Variants in DPP10 observed in about 807,000 individuals in gnomAD.
DPP10 encodes the protein inactive dipeptidyl peptidase 10.
A neutral mutation model predicts 120.9 loss-of-function variants in DPP10; 33 were observed. The observed-to-expected ratio is 0.27, with a 90% CI of 0.21 to 0.37. The LOEUF (loss-of-function observed/expected upper bound fraction) is 0.37. DPP10 is among the 10% of genes least tolerant of loss of function. DPP10 has a pLI of 1.00. For synonymous variants in DPP10, 337 were observed against 326.1 expected (o/e 1.03, Z -0.36); for missense variants, 816 against 942.8 (o/e 0.87, Z 1.76).
intron 1 of DPP10, among the ~76,000 whole-genome samples, chr2:114,936,726 C>G (rs1298336422): frequency 6.6e-6 from 1 of 152,038 alleles, no homozygotes; most frequent in Admixed American, 6.6e-5. Context: ...GAGGTATTAA[C>G]TTTTTACTGC....
At chr2:115,677,123 G>T (rs992117409) in intron 5 of DPP10, among the ~76,000 whole-genome samples, 1 of 152,112 alleles carries the variant, frequency 6.6e-6, no homozygotes, top group Non-Finnish European at 1.5e-5. Context: ...GAAATAAAGT[G>T]TTTCCCAGGC....
chr2:114,532,296 T>TATATACACACACACACAC (rs1342125338), intron 1 of DPP10, among the ~76,000 whole-genome samples: 2 of 74,752 alleles, frequency 2.7e-5, no homozygotes, highest in African/African-American at 1.3e-4. Flanking sequence ...TATATATATA[T>TATATACACACACACACAC]ACACACACAC....
chr2:115,683,293 A>G (rs187386007), intron 5 of DPP10, among the ~76,000 whole-genome samples: 221 of 152,062 alleles, frequency 1.5e-3, no homozygotes, highest in African/African-American at 5.2e-3. Flanking sequence ...GGGAAATGCA[A>G]AATTGTGGAG....
chr2:115,076,937 T>C (rs918525371), intron 1 of DPP10, among the ~76,000 whole-genome samples: 3 of 152,224 alleles, frequency 2.0e-5, no homozygotes, highest in Non-Finnish European at 2.9e-5. Context: ...TCCAAAGTGG[T>C]TGTACAAATT....
At chr2:114,698,570 A>G (rs1700200038) in intron 1 of DPP10, among the ~76,000 whole-genome samples, 1 of 152,148 alleles carries the variant, frequency 6.6e-6, no homozygotes, top group Non-Finnish European at 1.5e-5. Context: ...TCTTGTTGAT[A>G]CCCAGAACAC....
Position 115,746,115 on chromosome 2 carries a change from A to G in DPP10, c.882A>G (p.Leu294=), listed in dbSNP as rs376142831. 9 of 1,609,446 alleles carry G rather than the reference A, an allele frequency of 5.6e-6. No individual in the cohort carries two copies. In the African/African-American group the frequency reaches 6.7e-5, roughly 12 times the overall value. ...GTCAAGTGAACCCAACAATAAAATTATATGTTGTAAACCTGTATGGACCAA... is the reference window on the plus strand; with the variant it reads ...GTCAAGTGAACCCAACAATAAAATTGTATGTTGTAAACCTGTATGGACCAA... ...KAGQVNPTIK[L]YVVNLYGPTH... is the part of the protein sequence containing the mutation. Residue 294 remains leucine (L), a synonymous_variant, in exon 10 of 26, where the codon TTA becomes TTG. Coordinates refer to ENST00000410059, the MANE Select transcript of DPP10 (RefSeq NM_020868.6).
intron 1 of DPP10, among the ~76,000 whole-genome samples, chr2:114,678,879 A>G (rs957766933): frequency 7.2e-5 from 11 of 152,096 alleles, no homozygotes; most frequent in Non-Finnish European, 2.9e-5. Flanking sequence ...ACTCCATAAA[A>G]TTAGTCATTT....
Position 114,644,637 on chromosome 2 carries a change from G to A in DPP10, c.60+201799G>A, listed in dbSNP as rs138719457. 1.6e-3 allele frequency among the ~76,000 whole-genome samples: 246 copies of A among 151,946 alleles called. 5 individuals carry two copies. Among genetic ancestry groups the A allele is most frequent in the South Asian group, 0.012 (56 of 4,826 alleles). On this transcript the variant is annotated intron_variant, in intron 1 of 25. Transcript: ENST00000410059. ...TGCAGTGATGTTACTGTGAAGCCAG[G>A]TTCACATTTTCAGCCTTTAGAAAAG...
intron 1 of DPP10, among the ~76,000 whole-genome samples, chr2:114,725,212 A>G (rs1701967952): frequency 6.6e-6 from 1 of 152,182 alleles, no homozygotes. Flanking sequence ...TTAAAATTAT[A>G]TCTGATGCCT....
At chr2:115,068,845 T>C (rs1707137403) in intron 1 of DPP10, among the ~76,000 whole-genome samples, 1 of 152,180 alleles carries the variant, frequency 6.6e-6, no homozygotes, top group African/African-American at 2.4e-5. Context: ...CATGTTCTTG[T>C]CATCTTTGTC....
intron 1 of DPP10, among the ~76,000 whole-genome samples, chr2:115,148,206 A>C (rs546575634): frequency 6.6e-6 from 1 of 152,338 alleles, no homozygotes; most frequent in East Asian, 1.9e-4. Flanking sequence ...TCAATAAGAA[A>C]GAGTGGGCTC....
chr2:114,805,229 A>G (rs886833880), intron 1 of DPP10, among the ~76,000 whole-genome samples: 1 of 152,162 alleles, frequency 6.6e-6, no homozygotes, highest in Non-Finnish European at 1.5e-5. Flanking sequence ...AGTCTCAGAT[A>G]TGTCTTTATT....
chr2:114,908,277 T>C (rs1007183092), intron 1 of DPP10, among the ~76,000 whole-genome samples: 2 of 152,024 alleles, frequency 1.3e-5, no homozygotes, highest in Admixed American at 1.3e-4. Flanking sequence ...TCACTCTTGA[T>C]TGGATTATTC....
intron 7 of DPP10, among the ~76,000 whole-genome samples, chr2:115,704,904 G>T (rs2901394): frequency 6.6e-6 from 1 of 151,652 alleles, no homozygotes; most frequent in Non-Finnish European, 1.5e-5. Context: ...TATTTCTAAA[G>T]GTTTCTTTTT....
chr2:115,317,719 T>C (rs997882420), intron 2 of DPP10, among the ~76,000 whole-genome samples: 2 of 151,896 alleles, frequency 1.3e-5, no homozygotes, highest in African/African-American at 4.8e-5. Flanking sequence ...AATAATTAAC[T>C]ATGTTGACTG....
chr2:114,858,402 A>G (rs1057097089), intron 1 of DPP10, among the ~76,000 whole-genome samples: 3 of 152,218 alleles, frequency 2.0e-5, no homozygotes, highest in Non-Finnish European at 4.4e-5. Flanking sequence ...TAACAATTTA[A>G]TGAGATAAAG....
intron 1 of DPP10, among the ~76,000 whole-genome samples, chr2:114,632,503 GT>G (rs756591992): frequency 2.9e-3 from 254 of 88,618 alleles, no homozygotes; most frequent in African/African-American, 7.8e-3. Context: ...TGGACTTAGG[GT>G]TTTTTTTTTT....
At chr2:114,729,051 G>A (rs998106424) in intron 1 of DPP10, among the ~76,000 whole-genome samples, 1 of 152,210 alleles carries the variant, frequency 6.6e-6, no homozygotes, top group African/African-American at 2.4e-5. Context: ...ATAAAATGCT[G>A]AGCGGCTGTG....
At chr2:114,868,778 C>T (rs943582594) in intron 1 of DPP10, among the ~76,000 whole-genome samples, 1 of 152,072 alleles carries the variant, frequency 6.6e-6, no homozygotes, top group Non-Finnish European at 1.5e-5. Flanking sequence ...AAAAACAATT[C>T]TTTTTAGGAA....
Sources: gnomAD v4.1 joint callset for allele counts (sites outside exome capture counted in the v4.1 genomes callset) on GRCh38, gnomAD v4.1.1 for gene constraint, MANE v1.5 for transcripts, NCBI Gene and HGNC (gene_info 2026-07-23, HGNC 2026-07-21) for gene names.